Variants in P2RY14 observed in about 807,000 individuals in gnomAD.
The protein encoded by P2RY14 is P2Y purinoceptor 14.
P2RY14 carries 2 observed loss-of-function variants against 0.9 expected under a neutral mutation model. That is an observed-to-expected ratio of 2.16 (90% confidence interval 0.88 to 6.79). The LOEUF (loss-of-function observed/expected upper bound fraction) is 6.79, where lower values mean the gene tolerates loss of function less well. P2RY14 is among the 30% of genes most tolerant of loss of function. The pLI is 0.05. For synonymous variants in P2RY14, 158 were observed against 147.2 expected (o/e 1.07, Z -0.53); for missense variants, 378 against 400.1 (o/e 0.94, Z 0.47).
intron 1 of P2RY14, among the ~76,000 whole-genome samples, chr3:151,239,716 G>C (rs992760282): frequency 4.6e-5 from 7 of 152,088 alleles, no homozygotes; most frequent in African/African-American, 7.2e-5. Flanking sequence ...AAAAATTTGA[G>C]AATTCTTGGC....
rs1385081034 is a variant in P2RY14, at chr3:151,212,609, A to T, written c.*691T>A. On this transcript the variant is annotated 3_prime_UTR_variant, in exon 3 of 3. Coordinates refer to ENST00000309170, the MANE Select transcript of P2RY14 (RefSeq NM_014879.4). ...ATTCTAACACCAGAACCCCAGGCTC[A>T]TTAAATGACGTAAGTCTTTGTAGAA... The T allele has an allele frequency of 6.6e-6, 1 of 152,170 alleles. No individual in the cohort carries two copies. The highest frequency in any genetic ancestry group is 1.9e-4 in the East Asian group (1 of 5,206). 9.4% of individuals were successfully genotyped at this position (152,170 alleles called of 1,614,324 possible).
intron 1 of P2RY14, among the ~76,000 whole-genome samples, chr3:151,246,303 G>A (rs1306313144): frequency 1.1e-4 from 17 of 152,026 alleles, no homozygotes; most frequent in South Asian, 6.2e-4. Flanking sequence ...AAAAGAGCCC[G>A]TATCGCCAAG....
intron 1 of P2RY14, among the ~76,000 whole-genome samples, chr3:151,237,350 C>CT (rs57239604): frequency 0.27 from 25,223 of 93,846 alleles, 4,074 homozygotes; most frequent in Non-Finnish European, 0.31. Context: ...TTTTTTTTTT[C>CT]TTTTTTTTTT....
chr3:151,273,062 A>G (rs1211744756), intron 1 of P2RY14, among the ~76,000 whole-genome samples: 2 of 152,094 alleles, frequency 1.3e-5, no homozygotes, highest in Non-Finnish European at 2.9e-5. Context: ...AAATATTCCA[A>G]AATCTGAAAT....
At chr3:151,243,281 C>A (rs1734615064) in intron 1 of P2RY14, among the ~76,000 whole-genome samples, 1 of 151,580 alleles carries the variant, frequency 6.6e-6, no homozygotes, top group African/African-American at 2.4e-5. Context: ...CAAAGATACT[C>A]CTCGAGAAGA....
intron 1 of P2RY14, among the ~76,000 whole-genome samples, chr3:151,245,090 A>G (rs964990691): frequency 1.3e-5 from 2 of 152,250 alleles, no homozygotes; most frequent in Non-Finnish European, 2.9e-5. Flanking sequence ...ATCTCTGAAT[A>G]GACCAATAAC....
At chr3:151,226,824 C>G (rs540246072) in intron 1 of P2RY14, among the ~76,000 whole-genome samples, 2 of 152,314 alleles carry the variant, frequency 1.3e-5, no homozygotes, top group East Asian at 3.9e-4. Flanking sequence ...ACTCAGTTTT[C>G]TATCTCCTGC....
At chr3:151,224,505 C>T (rs1425004616) in intron 1 of P2RY14, among the ~76,000 whole-genome samples, 2 of 150,400 alleles carry the variant, frequency 1.3e-5, no homozygotes, top group Non-Finnish European at 3.0e-5. Flanking sequence ...ATTTATGTGT[C>T]GTGTATTTAT....
At position 151,213,151 on chromosome 3, in the gene P2RY14, GA is replaced by G. The variant is rs764487043; in HGVS notation, c.*148del. On this transcript the variant is annotated 3_prime_UTR_variant, in exon 3 of 3. Coordinates refer to ENST00000309170, the MANE Select transcript of P2RY14 (RefSeq NM_014879.4). Reference sequence around the variant, plus strand: ...TTCTTTGATGTTACAAAAAAGCATGGAAACTTATATTTGAATTTTATTGAAC... The same window carrying G: ...TTCTTTGATGTTACAAAAAAGCATGGAACTTATATTTGAATTTTATTGAAC... 6.4e-5 allele frequency: 39 copies of G among 605,870 alleles called. No homozygotes were observed. Among genetic ancestry groups the G allele is most frequent in the Non-Finnish European group, 1.1e-4 (38 of 359,444 alleles). The allele number at this position is 605,870 out of a possible 1,614,324, so 37.5% of individuals were successfully genotyped here. A position where few individuals can be genotyped will look rare whatever the true frequency, so the allele number is the denominator to read the frequency against.
At chr3:151,278,104 A>C (rs1742196799) in intron 1 of P2RY14, among the ~76,000 whole-genome samples, 183 bp downstream of exon 1, 2 of 152,240 alleles carry the variant, frequency 1.3e-5, no homozygotes, top group Non-Finnish European at 2.9e-5. Flanking sequence ...CCATATTAGC[A>C]TGGGGAAATA....
chr3:151,275,242 C>T lies in P2RY14; in HGVS notation c.-133+3045G>A, dbSNP rs974437097. Among the ~76,000 whole-genome samples the T allele has an allele frequency of 3.1e-4, 47 of 152,246 alleles. 1 individual carries two copies. Among genetic ancestry groups the T allele is most frequent in the African/African-American group, 9.1e-4 (38 of 41,560 alleles). ...CCCAAGTGATCACACCACAAGTGTA[C>T]AGATCGCTTTGGGCCAACCTCAGAA... On this transcript the variant is annotated intron_variant, in intron 1 of 2. Transcript: ENST00000309170.
intron 1 of P2RY14, among the ~76,000 whole-genome samples, chr3:151,227,720 G>A (rs1471693597): frequency 6.6e-6 from 1 of 152,198 alleles, no homozygotes; most frequent in East Asian, 1.9e-4. Flanking sequence ...CCCACTGTTA[G>A]CCTTTACTCT....
chr3:151,275,233 A>C (rs553307411), intron 1 of P2RY14, among the ~76,000 whole-genome samples: 1 of 152,298 alleles, frequency 6.6e-6, no homozygotes, highest in South Asian at 2.1e-4. Context: ...TGATCACACC[A>C]CAAGTGTACA....
chr3:151,267,145 C>T (rs781375970), intron 1 of P2RY14, among the ~76,000 whole-genome samples: 9 of 152,186 alleles, frequency 5.9e-5, no homozygotes, highest in Non-Finnish European at 1.3e-4. Context: ...TGACTGTTTA[C>T]AGGAACTATC....
intron 1 of P2RY14, among the ~76,000 whole-genome samples, chr3:151,232,061 C>G (rs1031538678): frequency 1.3e-5 from 2 of 152,114 alleles, no homozygotes. Context: ...TGACAGGTAA[C>G]GAATGCCTAA....
intron 1 of P2RY14, among the ~76,000 whole-genome samples, chr3:151,274,410 A>G (rs763220898): frequency 6.6e-6 from 1 of 152,054 alleles, no homozygotes; most frequent in South Asian, 2.1e-4. Context: ...TTTCACTTCT[A>G]TAAAGGTAGT....
chr3:151,226,143 A>G (rs1331685600), intron 1 of P2RY14, among the ~76,000 whole-genome samples: 3 of 152,368 alleles, frequency 2.0e-5, no homozygotes, highest in Admixed American at 6.5e-5. Context: ...GAGGAAGCAC[A>G]GGAACACAGT....
intron 1 of P2RY14, among the ~76,000 whole-genome samples, chr3:151,221,710 G>A (rs1169127199): frequency 1.3e-5 from 2 of 152,192 alleles, no homozygotes; most frequent in Non-Finnish European, 2.9e-5. Context: ...AATATGTGTG[G>A]AAATGCCTGG....
intron 1 of P2RY14, among the ~76,000 whole-genome samples, chr3:151,277,417 T>G (rs981133331): frequency 7.7e-4 from 116 of 151,364 alleles, no homozygotes; most frequent in Non-Finnish European, 9.4e-4. Flanking sequence ...AATGGCTAGG[T>G]TTTTTTTTAG....
Sources: gnomAD v4.1 joint callset for allele counts (sites outside exome capture counted in the v4.1 genomes callset) on GRCh38, gnomAD v4.1.1 for gene constraint, MANE v1.5 for transcripts, NCBI Gene and HGNC (gene_info 2026-07-23, HGNC 2026-07-21) for gene names.